Variants in CDC14B observed in about 807,000 individuals in gnomAD.
CDC14B encodes the protein cell division cycle 14B.
A neutral mutation model predicts 64.2 loss-of-function variants in CDC14B; 22 were observed. The observed-to-expected ratio is 0.34, with a 90% CI of 0.24 to 0.49. The LOEUF (loss-of-function observed/expected upper bound fraction) is 0.49, where lower values mean the gene tolerates loss of function less well. CDC14B is among the 20% of genes least tolerant of loss of function. The pLI is 0.99. For synonymous variants in CDC14B, 191 were observed against 215.8 expected, an observed-to-expected ratio of 0.89 and a Z score of 1.01; for missense variants, 498 against 629.9, an observed-to-expected ratio of 0.79 and a Z score of 2.24.
At chr9:96,619,101 G>C in intron 1 of CDC14B, 118 bp downstream of exon 1, 1 of 747,454 alleles carries the variant, frequency 1.3e-6, no homozygotes. Context: ...AAGGGGGTGG[G>C]GGCGAAGGCA....
rs528587301 is a variant in CDC14B, at chr9:96,619,391, G to C, written c.-13C>G. ...TTTTCCGCTTCATGGAGGCGGCCGC[G>C]GCCCGTCAGGGGGCCACGACCATGG... On this transcript the variant is annotated 5_prime_UTR_variant, in exon 1 of 14. Coordinates refer to ENST00000375241, the MANE Select transcript of CDC14B (RefSeq NM_033331.4). 7.7e-5 allele frequency: 91 copies of C among 1,182,706 alleles called. No homozygotes were observed. In the African/African-American group the frequency reaches 1.4e-3, roughly 18 times the overall value. The allele number at this position is 1,182,706 out of a possible 1,614,324, so 73.3% of individuals were successfully genotyped here. A position where few individuals can be genotyped will look rare whatever the true frequency, so the allele number is the denominator to read the frequency against.
chr9:96,578,962 C>T (rs573828220), intron 1 of CDC14B, among the ~76,000 whole-genome samples: 58 of 152,162 alleles, frequency 3.8e-4, no homozygotes, highest in African/African-American at 1.3e-3. Context: ...GGATTACAGG[C>T]ATGTGCCACC....
At chr9:96,607,412 T>TC (rs1847030603) in intron 1 of CDC14B, among the ~76,000 whole-genome samples, 1 of 142,788 alleles carries the variant, frequency 7.0e-6, no homozygotes, top group Non-Finnish European at 1.5e-5. Context: ...AAACGTGATG[T>TC]CTTTTTTTTT....
intron 3 of CDC14B, among the ~76,000 whole-genome samples, chr9:96,563,547 G>A (rs1451405598): frequency 6.6e-6 from 1 of 151,822 alleles, no homozygotes; most frequent in Non-Finnish European, 1.5e-5. Context: ...CTACTTGGGA[G>A]GCTGAGGCAG....
chr9:96,534,743 CTTCTT>C (rs1429063817), intron 7 of CDC14B, among the ~76,000 whole-genome samples: 5 of 152,336 alleles, frequency 3.3e-5, no homozygotes, highest in Non-Finnish European at 5.9e-5. Flanking sequence ...TCCTAATCAT[CTTCTT>C]TTAACAGTGT....
chr9:96,609,008 T>C (rs903441917), intron 1 of CDC14B, among the ~76,000 whole-genome samples: 5 of 152,166 alleles, frequency 3.3e-5, no homozygotes, highest in African/African-American at 1.2e-4. Context: ...AGTCTCACTC[T>C]TTCACCCAGG....
downstream of CDC14B, among the ~76,000 whole-genome samples, chr9:96,499,276 C>A (rs1280750164): frequency 1.3e-5 from 2 of 152,200 alleles, no homozygotes; most frequent in Non-Finnish European, 2.9e-5. Context: ...TGAATCCAAG[C>A]ACAGCTCCTT....
intron 12 of CDC14B, chr9:96,514,579 C>T (rs189975935): frequency 3.7e-4 from 364 of 985,368 alleles, no homozygotes; most frequent in Admixed American, 2.6e-3. Context: ...CTCAGTGAAA[C>T]CACAAAGTAC....
chr9:96,539,036 C>T (rs1456243469), intron 7 of CDC14B, 42 bp downstream of exon 7: 11 of 1,251,458 alleles, frequency 8.8e-6, no homozygotes, highest in Non-Finnish European at 1.3e-5. Flanking sequence ...TAAAGCTGGG[C>T]GGGGGGAGGA....
chr9:96,613,271 G>A (rs982960280), intron 1 of CDC14B, among the ~76,000 whole-genome samples: 2 of 152,192 alleles, frequency 1.3e-5, no homozygotes, highest in South Asian at 4.1e-4. Context: ...TCACTTGTGT[G>A]CATCAATGCC....
intron 5 of CDC14B, among the ~76,000 whole-genome samples, chr9:96,544,009 G>A (rs543501479): frequency 1.3e-5 from 2 of 152,254 alleles, no homozygotes; most frequent in Admixed American, 6.5e-5. Flanking sequence ...ACGAGGTCAA[G>A]AGATTGAGAC....
At chr9:96,618,003 C>T (rs1010179356) in intron 1 of CDC14B, among the ~76,000 whole-genome samples, 7 of 152,162 alleles carry the variant, frequency 4.6e-5, no homozygotes, top group African/African-American at 1.7e-4. Context: ...CCGCAGCTAC[C>T]GGCCGGGGAC....
intron 4 of CDC14B, among the ~76,000 whole-genome samples, chr9:96,561,958 T>C (rs1240439170): frequency 2.0e-5 from 3 of 151,928 alleles, no homozygotes; most frequent in South Asian, 2.1e-4. Flanking sequence ...TCTGGAAAAA[T>C]TGCAGCTTTC....
chr9:96,534,112 T>G lies in CDC14B; in HGVS notation c.761A>C (p.Asn254Thr). The G allele has an allele frequency of 6.2e-7, 1 of 1,611,024 alleles. No homozygotes were observed. The highest frequency in any genetic ancestry group is 8.5e-7 in the Non-Finnish European group (1 of 1,177,730). Residue 254 changes from asparagine (N) to threonine (T), a missense_variant, in exon 9 of 14, where the codon AAT becomes ACT. Coordinates refer to ENST00000375241, the MANE Select transcript of CDC14B (RefSeq NM_033331.4). ...SPETYIQYFKNHNVTTIIRLN... is the reference protein window; with the variant it reads ...SPETYIQYFKTHNVTTIIRLN... ...ACGAATAATGGTAGTAACATTGTGA[T>G]TCTTAAAATATTGAATATAAGTCTC...
chr9:96,505,399 T>A (rs1306666455), intron 13 of CDC14B, among the ~76,000 whole-genome samples: 1 of 152,042 alleles, frequency 6.6e-6, no homozygotes. Context: ...GTTATCATTT[T>A]AAAAAAAGAA....
intron 9 of CDC14B, among the ~76,000 whole-genome samples, chr9:96,524,610 T>C (rs1837284997): frequency 6.6e-6 from 1 of 152,168 alleles, no homozygotes; most frequent in African/African-American, 2.4e-5. Flanking sequence ...GAGATTAACA[T>C]TTAAGTTGGT....
chr9:96,517,541 G>C (rs1444946853), intron 12 of CDC14B, among the ~76,000 whole-genome samples: 1 of 145,590 alleles, frequency 6.9e-6, no homozygotes, highest in African/African-American at 2.6e-5. Context: ...CTACTCGGGA[G>C]GCTGAGGCAG....
chr9:96,609,706 T>C (rs1339705833), intron 1 of CDC14B, among the ~76,000 whole-genome samples: 1 of 152,174 alleles, frequency 6.6e-6, no homozygotes, highest in East Asian at 1.9e-4. Context: ...AAGATCAATG[T>C]CATAAATTGC....
intron 9 of CDC14B, among the ~76,000 whole-genome samples, chr9:96,533,134 T>A (rs1838746607): frequency 6.6e-6 from 1 of 152,040 alleles, no homozygotes; most frequent in Admixed American, 6.5e-5. Flanking sequence ...ACCCAGCTAA[T>A]TTTTTTGTAT....
Sources: allele counts gnomAD v4.1 joint callset (sites outside exome capture counted in the v4.1 genomes callset), GRCh38; gene constraint gnomAD v4.1.1; transcripts MANE v1.5; gene names NCBI Gene and HGNC (gene_info 2026-07-23, HGNC 2026-07-21).